Variants in GLIS1 observed in about 807,000 individuals in gnomAD.
The protein encoded by GLIS1 is zinc finger protein GLIS1.
A neutral mutation model predicts 63.8 loss-of-function variants in GLIS1; 24 were observed. The ratio of observed to expected loss-of-function variants is 0.38; its 90% CI spans 0.27 to 0.53. The LOEUF (loss-of-function observed/expected upper bound fraction) is 0.53, where lower values mean the gene tolerates loss of function less well. Ranked by LOEUF, GLIS1 falls within the 20% of genes least tolerant of loss-of-function variation. GLIS1 has a pLI of 0.85. For synonymous variants in GLIS1, 450 were observed against 482.5 expected (o/e 0.93, Z 0.88); for missense variants, 1,036 against 1,074.1 (o/e 0.96, Z 0.50).
At position 53,516,583 on chromosome 1, in the gene GLIS1, C is replaced by T. The variant is rs188236765; in HGVS notation, c.1727-1802G>A. 2.8e-3 allele frequency among the ~76,000 whole-genome samples: 427 copies of T among 152,006 alleles called. 2 individuals carry two copies. Among genetic ancestry groups the T allele is most frequent in the Non-Finnish European group, 4.5e-3 (309 of 67,924 alleles). On this transcript the variant is annotated intron_variant, in intron 7 of 10. Transcript: ENST00000628545. Reference sequence around the variant, plus strand: ...ATCCCCGCACTTTGGGAGGCCGAGGCGGGAGGATTACTTAAGGCCATGAAT... The same window carrying T: ...ATCCCCGCACTTTGGGAGGCCGAGGTGGGAGGATTACTTAAGGCCATGAAT...
intron 2 of GLIS1, among the ~76,000 whole-genome samples, chr1:53,679,045 C>T (rs1415688611): frequency 6.6e-6 from 1 of 152,198 alleles, no homozygotes; most frequent in African/African-American, 2.4e-5. Context: ...TCCCACCAGG[C>T]CCAGGTCTGA....
chr1:53,597,819 G>A (rs1352375963), intron 3 of GLIS1, among the ~76,000 whole-genome samples: 3 of 151,966 alleles, frequency 2.0e-5, no homozygotes, highest in Non-Finnish European at 4.4e-5. Flanking sequence ...TGATGCCGGC[G>A]TAGAATTCTA....
At chr1:53,554,721 C>T (rs993513361) in intron 4 of GLIS1, among the ~76,000 whole-genome samples, 21 of 152,188 alleles carry the variant, frequency 1.4e-4, no homozygotes, top group Non-Finnish European at 2.9e-5. Context: ...CCAAGCCTGA[C>T]CTGGAACGTG....
chr1:53,513,201 C>T (rs1036722019), intron 8 of GLIS1, among the ~76,000 whole-genome samples: 31 of 152,270 alleles, frequency 2.0e-4, no homozygotes, highest in Middle Eastern at 3.4e-3. Flanking sequence ...TTCCTACTCC[C>T]GCTGCCTCCA....
intron 2 of GLIS1, among the ~76,000 whole-genome samples, chr1:53,624,602 G>A (rs1488392876): frequency 1.6e-4 from 24 of 151,170 alleles, no homozygotes; most frequent in Admixed American, 1.5e-3. Flanking sequence ...GTGCAGTGGC[G>A]CAATCCTAGC....
intron 4 of GLIS1, among the ~76,000 whole-genome samples, chr1:53,583,798 G>A (rs1414396659): frequency 1.3e-5 from 2 of 152,258 alleles, no homozygotes; most frequent in Non-Finnish European, 2.9e-5. Flanking sequence ...CCCCAGTCCT[G>A]GCAGTGGAAG....
chr1:53,571,303 C>T (rs759801246), intron 4 of GLIS1, among the ~76,000 whole-genome samples: 4 of 152,164 alleles, frequency 2.6e-5, no homozygotes, highest in Admixed American at 1.3e-4. Flanking sequence ...CGAGTATAAG[C>T]GGAACAACCA....
chr1:53,632,538 G>C (rs530328095), intron 2 of GLIS1, among the ~76,000 whole-genome samples: 20 of 146,752 alleles, frequency 1.4e-4, no homozygotes, highest in Non-Finnish European at 2.7e-4. Context: ...GCATGTGAAT[G>C]TGACTGAGGG....
chr1:53,570,454 A>C (rs1644974171), intron 4 of GLIS1, among the ~76,000 whole-genome samples: 1 of 152,152 alleles, frequency 6.6e-6, no homozygotes, highest in Admixed American at 6.5e-5. Context: ...TCCAAAATAC[A>C]CATATGGAAG....
chr1:53,556,269 GGT>G (rs141155406), intron 4 of GLIS1, among the ~76,000 whole-genome samples: 7 of 82,180 alleles, frequency 8.5e-5, no homozygotes, highest in Middle Eastern at 0.011. Context: ...GTGTACTGCA[GGT>G]GTGTGTGTGT....
chr1:53,693,499 C>T (rs1311282528), intron 2 of GLIS1, among the ~76,000 whole-genome samples: 2 of 152,182 alleles, frequency 1.3e-5, no homozygotes, highest in Non-Finnish European at 2.9e-5. Context: ...GGCATGCTCC[C>T]CCAGCCACCA....
intron 2 of GLIS1, among the ~76,000 whole-genome samples, chr1:53,689,677 T>C (rs967384833): frequency 2.0e-5 from 3 of 152,194 alleles, no homozygotes; most frequent in African/African-American, 4.8e-5. Flanking sequence ...TGTGTGATGC[T>C]AGGCAAACCG....
At chr1:53,542,421 C>A (rs1209316912) in intron 4 of GLIS1, among the ~76,000 whole-genome samples, 10 of 152,228 alleles carry the variant, frequency 6.6e-5, no homozygotes, top group Non-Finnish European at 1.0e-4. Flanking sequence ...TCGGAGAGTG[C>A]CCAGCACAGG....
rs965300040 is a variant in GLIS1 at position 53,517,997 on chromosome 1, G to A, written c.1726+2637C>T. On this transcript the variant is annotated intron_variant, in intron 7 of 10. Transcript: ENST00000628545. ...GGGCCTGATGGGCTCTCCCCAAAAC[G>A]CACCACTTCAGGCTGTAAAGCTGTG... Among the ~76,000 whole-genome samples, 8 of 152,226 alleles carry A rather than the reference G, an allele frequency of 5.3e-5. No homozygotes were observed. The South Asian group carries it at 6.2e-4, about 12-fold the overall frequency.
At position 53,509,405 on chromosome 1, in the gene GLIS1, T is replaced by TGAGA. The variant is rs1243086649; in HGVS notation, c.2063-122_2063-119dup. 4 of 1,125,350 alleles carry TGAGA rather than the reference T, an allele frequency of 3.6e-6. No individual in the cohort carries two copies. In the Admixed American group the frequency reaches 7.4e-5, roughly 21 times the overall value. 69.7% of individuals were successfully genotyped at this position (1,125,350 alleles called of 1,614,324 possible). A position where few individuals can be genotyped will look rare whatever the true frequency, so the allele number is the denominator to read the frequency against. On this transcript the variant is annotated intron_variant, in intron 9 of 10. Transcript: ENST00000628545. Reference sequence around the variant, plus strand: ...TTGTCCTGTCCAGGCATTGTGGGTGTGAGAGAGAGAGGAGGGCCCAGGGCA... The same window carrying TGAGA: ...TTGTCCTGTCCAGGCATTGTGGGTGTGAGAGAGAGAGAGAGGAGGGCCCAGGGCA...
In GLIS1 at chr1:53,600,278, A is replaced by G; in HGVS notation, c.260T>C (p.Val87Ala). 2 of 1,231,872 alleles carry G rather than the reference A, an allele frequency of 1.6e-6. No homozygotes were observed. Among genetic ancestry groups the G allele is most frequent in the Middle Eastern group, 3.1e-4 (1 of 3,210 alleles). The allele number at this position is 1,231,872 out of a possible 1,614,324, so 76.3% of individuals were successfully genotyped here. Residue 87 changes from valine (V) to alanine (A), a missense_variant and splice_region_variant, in exon 3 of 11, where the codon GTG (valine) becomes GCG (alanine). Physicochemically the swap from Val to Ala is moderately conservative, Grantham distance 64. Transcript: ENST00000628545. ...GGTACGGTGTCCGTAGCTCCCATTCACTAGGCAGAGAAAGACAGGGAGAGA... is the reference window on the plus strand; with the variant it reads ...GGTACGGTGTCCGTAGCTCCCATTCGCTAGGCAGAGAAAGACAGGGAGAGA... ...GPSKAAAAGK[V>A]NGSYGHRTPG...
intron 4 of GLIS1, among the ~76,000 whole-genome samples, chr1:53,531,758 G>A (rs1205854407): frequency 3.3e-5 from 5 of 152,208 alleles, no homozygotes; most frequent in South Asian, 2.1e-4. Flanking sequence ...CCTGTGGGCC[G>A]CGAGCTGCTT....
At chr1:53,510,849 T>C (rs1286000741) in intron 8 of GLIS1, among the ~76,000 whole-genome samples, 2 of 152,194 alleles carry the variant, frequency 1.3e-5, no homozygotes, top group Non-Finnish European at 2.9e-5. Context: ...GCATACCTCC[T>C]GTGATGGGGG....
At chr1:53,735,306 A>G (rs768125467) in intron 2 of GLIS1, among the ~76,000 whole-genome samples, 29 of 152,170 alleles carry the variant, frequency 1.9e-4, no homozygotes, top group Non-Finnish European at 3.4e-4. Flanking sequence ...AGTGTCACTG[A>G]CCCTTGCATG....
Sources: allele counts gnomAD v4.1 joint callset (sites outside exome capture counted in the v4.1 genomes callset), GRCh38; gene constraint gnomAD v4.1.1; transcripts MANE v1.5; gene names NCBI Gene and HGNC (gene_info 2026-07-23, HGNC 2026-07-21).